PHACTR3: variants seen among roughly 807,000 people sequenced by gnomAD.
The protein encoded by PHACTR3 is protein phosphatase 1, regulatory subunit 123.
PHACTR3 carries 16 observed loss-of-function variants against 66.8 expected under a neutral mutation model. The observed-to-expected ratio is 0.24, with a 90% CI of 0.16 to 0.36. PHACTR3 has a LOEUF of 0.36. Ranked by LOEUF, PHACTR3 falls within the 10% of genes least tolerant of loss-of-function variation. The pLI is 1.00. For missense variants in PHACTR3, 647 were observed against 719.9 expected, an observed-to-expected ratio of 0.90 and a Z score of 1.16; for synonymous variants, 323 against 292.1, an observed-to-expected ratio of 1.11 and a Z score of -1.08.
intron 8 of PHACTR3, among the ~76,000 whole-genome samples, chr20:59,825,594 C>T (rs964095011): frequency 6.6e-6 from 1 of 152,166 alleles, no homozygotes; most frequent in East Asian, 1.9e-4. Flanking sequence ...GCCATGAAGG[C>T]CACAAAATAC....
chr20:59,826,519 C>T (rs1421545442), intron 8 of PHACTR3, among the ~76,000 whole-genome samples: 2 of 152,208 alleles, frequency 1.3e-5, no homozygotes, highest in African/African-American at 2.4e-5. Flanking sequence ...TTACAGGGCA[C>T]ATGCTGTCCT....
chr20:59,681,800 C>T (rs986510584), intron 1 of PHACTR3, among the ~76,000 whole-genome samples: 5 of 152,164 alleles, frequency 3.3e-5, no homozygotes, highest in Admixed American at 6.5e-5. Flanking sequence ...CACCTGAGGT[C>T]GGGAGTTTGA....
chr20:59,722,369 G>A lies in PHACTR3; in HGVS notation c.119-20738G>A, dbSNP rs1410269172. Among the ~76,000 whole-genome samples the A allele has an allele frequency of 6.6e-5, 10 of 152,322 alleles. No individual in the cohort carries two copies. In the South Asian group the frequency reaches 1.9e-3, roughly 28 times the overall value. Reference sequence around the variant, plus strand: ...AGGAGTCAGCACTGTGGCAGTGTTGGGAGAAGGTATTCCTGGCAGAGAGGG... The same window carrying A: ...AGGAGTCAGCACTGTGGCAGTGTTGAGAGAAGGTATTCCTGGCAGAGAGGG... On this transcript the variant is annotated intron_variant, in intron 1 of 12. Transcript: ENST00000371015.
intron 7 of PHACTR3, among the ~76,000 whole-genome samples, chr20:59,788,275 T>A (rs140630345): frequency 6.6e-6 from 1 of 152,322 alleles, no homozygotes; most frequent in African/African-American, 2.4e-5. Context: ...ATCGTACAGA[T>A]GCGTTTTTCT....
Position 59,648,545 on chromosome 20 carries a change from G to A in PHACTR3, c.118+43413G>A, listed in dbSNP as rs184437593. 3.7e-3 allele frequency among the ~76,000 whole-genome samples: 569 copies of A among 152,316 alleles called. 4 individuals carry two copies. Among genetic ancestry groups the A allele is most frequent in the Admixed American group, 0.023 (351 of 15,296 alleles). ...CCTCGTGATTTCTTAATCAGCAAGA[G>A]GGTGGCTTAATCTGTTTATCCCAGA... On this transcript the variant is annotated intron_variant, in intron 1 of 12. Coordinates refer to ENST00000371015, the MANE Select transcript of PHACTR3 (RefSeq NM_080672.5).
At position 59,605,130 on chromosome 20, in the gene PHACTR3, C is replaced by A; in HGVS notation, c.116C>A (p.Pro39Gln). 2 of 1,343,172 alleles carry A rather than the reference C, an allele frequency of 1.5e-6. No individual in the cohort carries two copies. Among genetic ancestry groups the A allele is most frequent in the South Asian group, 4.0e-5 (2 of 49,874 alleles). The allele number at this position is 1,343,172 out of a possible 1,614,324, so 83.2% of individuals were successfully genotyped here. The change falls in exon 1 of 13, where the codon CCA (proline) becomes CAA (glutamine). Residue 39 changes from proline (P) to glutamine (Q), a missense_variant and splice_region_variant. Pro to Gln is a moderately conservative substitution (Grantham distance 76, BLOSUM62 -1). Transcript: ENST00000371015. Reference protein sequence around the residue: ...ATSSADAGENPDEMDQTPPAR... With the variant: ...ATSSADAGENQDEMDQTPPAR... ...TCCTCCGCGGACGCCGGGGAGAACCCAGGTAACGGGCTGGGCGGGGGCGGC... is the reference window on the plus strand; with the variant it reads ...TCCTCCGCGGACGCCGGGGAGAACCAAGGTAACGGGCTGGGCGGGGGCGGC...
chr20:59,675,085 T>C (rs556647889), intron 1 of PHACTR3, among the ~76,000 whole-genome samples: 3 of 98,482 alleles, frequency 3.0e-5, no homozygotes, highest in Admixed American at 1.1e-4. Context: ...TTCCTCCCCT[T>C]CCTATTCTTT....
At chr20:59,670,411 C>G (rs566309164) in intron 1 of PHACTR3, among the ~76,000 whole-genome samples, 2 of 152,288 alleles carry the variant, frequency 1.3e-5, no homozygotes, top group African/African-American at 2.4e-5. Flanking sequence ...GCAGAAACCT[C>G]TCTTTTGTCC....
intron 1 of PHACTR3, among the ~76,000 whole-genome samples, chr20:59,686,854 ATGATGATGGTGGTGATTG>A (rs1483725613): frequency 5.9e-4 from 81 of 137,164 alleles, no homozygotes; most frequent in East Asian, 8.6e-4. Flanking sequence ...GATGATGGTG[ATGATGATGGTGGTGATTG>A]TGATGATGGT....
intron 1 of PHACTR3, among the ~76,000 whole-genome samples, chr20:59,677,647 G>A (rs559940141): frequency 1.1e-4 from 16 of 152,150 alleles, no homozygotes; most frequent in Non-Finnish European, 2.2e-4. Flanking sequence ...CTTCAGGAGA[G>A]GTTGTCTGAA....
intron 7 of PHACTR3, among the ~76,000 whole-genome samples, chr20:59,784,328 ATATG>A (rs150531146): frequency 0.14 from 20,417 of 146,404 alleles, 2,922 homozygotes; most frequent in East Asian, 0.41. Context: ...ATATATATAT[ATATG>A]TGTATATATA....
intron 8 of PHACTR3, among the ~76,000 whole-genome samples, chr20:59,810,365 A>G (rs1039301640): frequency 2.6e-5 from 4 of 152,236 alleles, no homozygotes; most frequent in African/African-American, 4.8e-5. Context: ...GCTCCCTGCT[A>G]TTTGTCACCA....
At chr20:59,686,426 G>A (rs1372124441) in intron 1 of PHACTR3, among the ~76,000 whole-genome samples, 1 of 152,236 alleles carries the variant, frequency 6.6e-6, no homozygotes, top group African/African-American at 2.4e-5. Flanking sequence ...TCCTGGAACA[G>A]TGCCAATGCC....
intron 1 of PHACTR3, among the ~76,000 whole-genome samples, chr20:59,696,728 C>A (rs2037312065): frequency 6.6e-6 from 1 of 152,178 alleles, no homozygotes; most frequent in Non-Finnish European, 1.5e-5. Context: ...CACAAGCCAG[C>A]AACCTTTGAG....
chr20:59,682,185 C>G (rs1031534693), intron 1 of PHACTR3, among the ~76,000 whole-genome samples: 1 of 151,592 alleles, frequency 6.6e-6, no homozygotes, highest in African/African-American at 2.4e-5. Flanking sequence ...ACTAAAAATA[C>G]AAAAATTAGC....
intron 1 of PHACTR3, among the ~76,000 whole-genome samples, chr20:59,577,783 G>C (rs951427730): frequency 3.9e-5 from 6 of 152,128 alleles, no homozygotes; most frequent in Non-Finnish European, 8.8e-5. Flanking sequence ...CCCGGGTCTC[G>C]GGCTTACCGC....
chr20:59,840,670 C>T (rs552337554), intron 10 of PHACTR3, among the ~76,000 whole-genome samples: 1 of 152,232 alleles, frequency 6.6e-6, no homozygotes, highest in South Asian at 2.1e-4. Context: ...GTGCACAATG[C>T]ACATGACATT....
At position 59,831,377 on chromosome 20, in the gene PHACTR3, C is replaced by T. The variant is rs573156958; in HGVS notation, c.1329-5128C>T. 3.0e-4 allele frequency among the ~76,000 whole-genome samples: 45 copies of T among 152,296 alleles called. No homozygotes were observed. The South Asian group carries it at 8.3e-3, about 28-fold the overall frequency. On this transcript the variant is annotated intron_variant, in intron 8 of 12. Coordinates refer to ENST00000371015, the MANE Select transcript of PHACTR3 (RefSeq NM_080672.5). The stretch of plus-strand genomic sequence containing the variant: ...ACAAGCAGGGACCAGGTAGGGAGAC[C>T]GGCAGATGCTGCTCTCTGTCCCTGG...
intron 1 of PHACTR3, among the ~76,000 whole-genome samples, chr20:59,627,127 C>T (rs2034481625): frequency 6.6e-6 from 1 of 152,212 alleles, no homozygotes; most frequent in Non-Finnish European, 1.5e-5. Flanking sequence ...CAATCCTCAG[C>T]TGACGAAATG....
Sources: gnomAD v4.1 joint callset for allele counts (sites outside exome capture counted in the v4.1 genomes callset) on GRCh38, gnomAD v4.1.1 for gene constraint, MANE v1.5 for transcripts, NCBI Gene and HGNC (gene_info 2026-07-23, HGNC 2026-07-21) for gene names.